Variants in KCNQ4 observed in about 807,000 individuals in gnomAD.
KCNQ4 encodes potassium voltage-gated channel subfamily Q member 4, also known as potassium voltage-gated channel subfamily KQT member 4.
A neutral mutation model predicts 72.6 loss-of-function variants in KCNQ4; 31 were observed. That is an observed-to-expected ratio of 0.43 (90% CI 0.32 to 0.58). KCNQ4 has a LOEUF of 0.58. KCNQ4 is among the 20% of genes least tolerant of loss of function. KCNQ4 has a pLI of 0.08. For missense variants in KCNQ4, 869 were observed against 962.6 expected (o/e 0.90, Z 1.29); for synonymous variants, 405 against 403.7 (o/e 1.00, Z -0.04).
intron 1 of KCNQ4, among the ~76,000 whole-genome samples, chr1:40,809,549 T>G (rs1647863371): frequency 6.6e-6 from 1 of 152,162 alleles, no homozygotes. Flanking sequence ...CTAGTTCCCG[T>G]TTCCAGTTAA....
At chr1:40,786,060 C>T (rs1005601194) in intron 1 of KCNQ4, among the ~76,000 whole-genome samples, 2 of 152,034 alleles carry the variant, frequency 1.3e-5, no homozygotes, top group Non-Finnish European at 2.9e-5. Flanking sequence ...TAAAGAGGCC[C>T]GTTGGAGTGA....
chr1:40,822,414 TGGGGGTGGGGGTGGGTG>T lies in KCNQ4; in HGVS notation c.1130+18_1130+34del. The stretch of plus-strand genomic sequence containing the variant: ...CTCCCATCCTTCAGGTAGGTCCTGC[TGGGGGTGGGGGTGGGTG>T]GGGGGCTGGCAGCAATGCCCTTTGA... On this transcript the variant is annotated intron_variant, in intron 8 of 13. Coordinates refer to ENST00000347132, the MANE Select transcript of KCNQ4 (RefSeq NM_004700.4). 3 of 129,014 alleles carry T rather than the reference TGGGGGTGGGGGTGGGTG, an allele frequency of 2.3e-5. No individual in the cohort carries two copies. The highest frequency in any genetic ancestry group is 4.8e-5 in the Non-Finnish European group (3 of 61,882). 8.0% of individuals were successfully genotyped at this position (129,014 alleles called of 1,614,324 possible).
Position 40,817,500 on chromosome 1 carries a change from T to G in KCNQ4, c.405+145T>G. 1.7e-6 allele frequency: 1 copy of G among 605,168 alleles called. No individual in the cohort carries two copies. The highest frequency in any genetic ancestry group is 2.9e-5 in the East Asian group (1 of 34,916). The allele number at this position is 605,168 out of a possible 1,614,324, so 37.5% of individuals were successfully genotyped here. A position where few individuals can be genotyped will look rare whatever the true frequency, so the allele number is the denominator to read the frequency against. On this transcript the variant is annotated intron_variant, in intron 2 of 13. Transcript: ENST00000347132. The surrounding 1 kb of genome is among the most constrained non-coding windows in gnomAD (Gnocchi z 5.5). ...AGGGGGCTGTGTGAGGTAGCACCTC[T>G]GGGCTGGGAGTCCGGGACTGAGGGG...
rs763658579 is a variant in KCNQ4, at chr1:40,822,305, T to C, written c.1042-9T>C. ...GATGCCCCATCCCCCACGTCCCCCA[T>C]ACCACCAGGCTGCCTGGCGCCTGTA... On this transcript the variant is annotated splice_polypyrimidine_tract_variant and intron_variant, in intron 7 of 13. Transcript: ENST00000347132. 24 of 1,612,000 alleles carry C rather than the reference T, an allele frequency of 1.5e-5. No individual in the cohort carries two copies. Among genetic ancestry groups the C allele is most frequent in the East Asian group, 4.5e-5 (2 of 44,802 alleles).
chr1:40,804,294 C>A (rs746699859), intron 1 of KCNQ4, among the ~76,000 whole-genome samples: 15 of 152,202 alleles, frequency 9.9e-5, no homozygotes, highest in Non-Finnish European at 2.1e-4. Context: ...AGTCCTTCTA[C>A]AGACAGAGGA....
chr1:40,818,448 C>A, intron 3 of KCNQ4, 57 bp from the exon 4 acceptor site: 1 of 1,592,900 alleles, frequency 6.3e-7, no homozygotes, highest in African/African-American at 1.3e-5. Context: ...AAGTCCCCGC[C>A]TCCGGGTCCG....
chr1:40,818,886 C>T (rs1168706454), intron 4 of KCNQ4: 3 of 638,696 alleles, frequency 4.7e-6, no homozygotes, highest in Non-Finnish European at 8.4e-6. Flanking sequence ...GCCTAGGAGT[C>T]CGGACCGGAT....
At chr1:40,801,378 C>A (rs552971167) in intron 1 of KCNQ4, among the ~76,000 whole-genome samples, 11 of 152,306 alleles carry the variant, frequency 7.2e-5, no homozygotes, top group African/African-American at 2.6e-4. Flanking sequence ...TCACCCTAAA[C>A]CCCCTCTCCA....
intron 5 of KCNQ4, 82 bp downstream of exon 5, chr1:40,819,554 T>C (rs1648219009): frequency 1.3e-6 from 2 of 1,575,436 alleles, no homozygotes; most frequent in Non-Finnish European, 1.7e-6. Context: ...TCGTGACTCC[T>C]GACTCAGGGT....
In KCNQ4 at chr1:40,839,494, G is replaced by T. The variant is rs1050187728; in HGVS notation, c.*971G>T. 1.3e-5 allele frequency: 2 copies of T among 152,224 alleles called. No homozygotes were observed. The highest frequency in any genetic ancestry group is 4.8e-5 in the African/African-American group (2 of 41,426). The allele number at this position is 152,224 out of a possible 1,614,324, so 9.4% of individuals were successfully genotyped here. ...GACATGAGTGCAGAGCCACTCAGCC[G>T]CTCCTGGGCCTCTGCAGCAGATGCC... On this transcript the variant is annotated 3_prime_UTR_variant, in exon 14 of 14. Coordinates refer to ENST00000347132, the MANE Select transcript of KCNQ4 (RefSeq NM_004700.4).
chr1:40,797,519 G>A (rs1647450284), intron 1 of KCNQ4, among the ~76,000 whole-genome samples: 1 of 152,210 alleles, frequency 6.6e-6, no homozygotes, highest in Non-Finnish European at 1.5e-5. Context: ...AGGACACCGG[G>A]CTGGGGAGCT....
Position 40,833,006 on chromosome 1 carries a change from C to CT in KCNQ4, c.1514-4dup. On this transcript the variant is annotated splice_region_variant and splice_polypyrimidine_tract_variant and intron_variant, in intron 10 of 13. Coordinates refer to ENST00000347132, the MANE Select transcript of KCNQ4 (RefSeq NM_004700.4). ...GGTGGGCCACTTGCCCCATACCTGC[C>CT]TTTTCAGATGCCCCCTCAGAGGAAG... The CT allele has an allele frequency of 6.2e-7, 1 of 1,612,160 alleles. No individual in the cohort carries two copies. Among genetic ancestry groups the CT allele is most frequent in the South Asian group, 1.1e-5 (1 of 91,048 alleles).
At chr1:40,807,450 C>G (rs1162358821) in intron 1 of KCNQ4, among the ~76,000 whole-genome samples, 1 of 152,004 alleles carries the variant, frequency 6.6e-6, no homozygotes, top group African/African-American at 2.4e-5. Context: ...GTGTGGGGCC[C>G]TGGGTCACGT....
In KCNQ4 at chr1:40,819,469, G is replaced by A. The variant is rs1648215110; in HGVS notation, c.831G>A (p.Gly277=). 2 of 1,613,872 alleles carry A rather than the reference G, an allele frequency of 1.2e-6. No homozygotes were observed. The highest frequency in any genetic ancestry group is 1.3e-5 in the African/African-American group (1 of 74,994). ...FSSYADSLWW[G]TITLTTIGYG... The stretch of plus-strand genomic sequence containing the variant: ...CCTACGCCGACTCGCTCTGGTGGGG[G>A]ACGGTGCGTGAGGGTCTTTGTAGGG... Residue 277 remains glycine (G), a synonymous_variant, in exon 5 of 14, where the codon GGG becomes GGA. Transcript: ENST00000347132.
At position 40,817,899 on chromosome 1, in the gene KCNQ4, G is replaced by A. The variant is rs1245304017; in HGVS notation, c.406-265G>A. Among the ~76,000 whole-genome samples, 3 of 152,220 alleles carry A rather than the reference G, an allele frequency of 2.0e-5. No individual in the cohort carries two copies. Among genetic ancestry groups the A allele is most frequent in the Admixed American group, 6.5e-5 (1 of 15,288 alleles). On this transcript the variant is annotated intron_variant, in intron 2 of 13. Transcript: ENST00000347132. This position sits in a 1 kb window ranked among gnomAD's most constrained non-coding sequence, Gnocchi z 5.5. ...GAGTTAGGGAGTCTGAGACAGCTGG[G>A]ACAGGGAGGGCCTGTTGAGGAGCAG...
At chr1:40,785,308 A>G (rs1246567559) in intron 1 of KCNQ4, among the ~76,000 whole-genome samples, 2 of 152,232 alleles carry the variant, frequency 1.3e-5, no homozygotes, top group African/African-American at 2.4e-5. Context: ...CCAGCCAGGA[A>G]CATGAGAGGC....
rs190659100 is a variant in KCNQ4, at chr1:40,821,065, C to G, written c.1041+805C>G. 2.1e-3 allele frequency among the ~76,000 whole-genome samples: 319 copies of G among 152,332 alleles called. 2 individuals are homozygous for G. Among genetic ancestry groups the G allele is most frequent in the African/African-American group, 7.4e-3 (307 of 41,562 alleles). On this transcript the variant is annotated intron_variant, in intron 7 of 13. Coordinates refer to ENST00000347132, the MANE Select transcript of KCNQ4 (RefSeq NM_004700.4). ...CTCCTCCCCAGGGTAGAACCCTCCT[C>G]CCTGTCGCTGTTATCTCCAGCCACC...
At position 40,822,391 on chromosome 1, in the gene KCNQ4, C is replaced by G. The variant is rs772355951; in HGVS notation, c.1119C>G (p.Leu373=). Residue 373 remains leucine (L), a synonymous_variant, in exon 8 of 14, where the codon CTC becomes CTG. Coordinates refer to ENST00000347132, the MANE Select transcript of KCNQ4 (RefSeq NM_004700.4). ...TATWYYYDSI[L]PSFRELALLF... ...CCTGGTACTACTATGACAGTATCCTCCCATCCTTCAGGTAGGTCCTGCTGG... is the reference window on the plus strand; with the variant it reads ...CCTGGTACTACTATGACAGTATCCTGCCATCCTTCAGGTAGGTCCTGCTGG... The G allele has an allele frequency of 3.1e-6, 5 of 1,604,358 alleles. No individual in the cohort carries two copies. The highest frequency in any genetic ancestry group is 3.4e-6 in the Non-Finnish European group (4 of 1,172,006).
chr1:40,822,840 C>G (rs951062053), intron 8 of KCNQ4, among the ~76,000 whole-genome samples: 1 of 152,204 alleles, frequency 6.6e-6, no homozygotes, highest in African/African-American at 2.4e-5. Context: ...TACCCTGAAC[C>G]CCCATGTAGG....
Sources: gnomAD v4.1 joint callset for allele counts (sites outside exome capture counted in the v4.1 genomes callset) on GRCh38, gnomAD v4.1.1 for gene constraint, Gnocchi (gnomAD v3.1) non-coding constraint, MANE v1.5 for transcripts, NCBI Gene and HGNC (gene_info 2026-07-23, HGNC 2026-07-21) for gene names.